PDE7B: variants seen among roughly 807,000 people sequenced by gnomAD.
The protein encoded by PDE7B is phosphodiesterase 7B, also known as 3',5'-cyclic-AMP phosphodiesterase 7B.
PDE7B carries 29 observed loss-of-function variants against 56.2 expected under a neutral mutation model. The ratio of observed to expected loss-of-function variants is 0.52; its 90% CI spans 0.38 to 0.70. The LOEUF (loss-of-function observed/expected upper bound fraction) is 0.70, where lower values mean the gene tolerates loss of function less well. PDE7B is among the 30% of genes least tolerant of loss of function. The pLI is 0.00. For missense variants in PDE7B, 490 were observed against 565.0 expected (o/e 0.87, Z 1.35); for synonymous variants, 197 against 196.9 (o/e 1.00, Z 0.00).
intron 2 of PDE7B, among the ~76,000 whole-genome samples, chr6:135,990,254 C>T (rs1375472019): frequency 3.9e-5 from 6 of 152,068 alleles, no homozygotes; most frequent in African/African-American, 1.2e-4. Context: ...CGCCACCACA[C>T]CCAGCTAATT....
intron 2 of PDE7B, among the ~76,000 whole-genome samples, chr6:136,025,306 T>C (rs1373277343): frequency 6.6e-6 from 1 of 152,192 alleles, no homozygotes; most frequent in African/African-American, 2.4e-5. Flanking sequence ...ATACCAAATT[T>C]CCATGTAAAA....
intron 1 of PDE7B, among the ~76,000 whole-genome samples, chr6:135,897,145 T>G (rs571249879): frequency 6.6e-6 from 1 of 152,266 alleles, no homozygotes; most frequent in African/African-American, 2.4e-5. Context: ...GAAACCTGTC[T>G]TTGTTAACTT....
At chr6:136,103,574 T>C (rs887185468) in intron 2 of PDE7B, among the ~76,000 whole-genome samples, 5 of 152,206 alleles carry the variant, frequency 3.3e-5, no homozygotes, top group African/African-American at 9.6e-5. Flanking sequence ...GAATTAGTAA[T>C]GTGCTCAGCA....
At chr6:136,143,557 A>G (rs1778364248) in intron 3 of PDE7B, among the ~76,000 whole-genome samples, 2 of 152,052 alleles carry the variant, frequency 1.3e-5, no homozygotes, top group South Asian at 2.1e-4. Context: ...TAAAGATCCA[A>G]AGAGGTCTGC....
chr6:135,962,796 T>C lies in PDE7B; in HGVS notation c.82+15272T>C, dbSNP rs770777667. On this transcript the variant is annotated intron_variant, in intron 2 of 12. Coordinates refer to ENST00000308191, the MANE Select transcript of PDE7B (RefSeq NM_018945.4). ...ATTAAACCTCTCTCACAAAGTCACC[T>C]GACCCCAAACAAATGGAATTCCTGA... 1.2e-4 allele frequency among the ~76,000 whole-genome samples: 18 copies of C among 152,168 alleles called. 1 individual carries two copies. Among genetic ancestry groups the C allele is most frequent in the Non-Finnish European group, 2.5e-4 (17 of 68,030 alleles).
intron 2 of PDE7B, among the ~76,000 whole-genome samples, chr6:136,073,398 A>T (rs1392716977): frequency 6.6e-6 from 1 of 152,222 alleles, no homozygotes; most frequent in Non-Finnish European, 1.5e-5. Flanking sequence ...GGCTGTCATA[A>T]CACAGCACCA....
At chr6:136,110,096 T>C (rs1777717056) in intron 3 of PDE7B, among the ~76,000 whole-genome samples, 1 of 152,140 alleles carries the variant, frequency 6.6e-6, no homozygotes, top group African/African-American at 2.4e-5. Flanking sequence ...TAATCTCCCA[T>C]ATCAATGTGC....
At chr6:136,105,655 T>C (rs1377790686) in intron 2 of PDE7B, among the ~76,000 whole-genome samples, 1 of 152,220 alleles carries the variant, frequency 6.6e-6, no homozygotes, top group Non-Finnish European at 1.5e-5. Context: ...ATTGCTATGA[T>C]TTATGCAATT....
At chr6:136,128,244 G>C (rs183955335) in intron 3 of PDE7B, among the ~76,000 whole-genome samples, 1 of 152,142 alleles carries the variant, frequency 6.6e-6, no homozygotes, top group Non-Finnish European at 1.5e-5. Context: ...GTGATGCTTT[G>C]ACATCATTCC....
chr6:136,090,085 A>G (rs1005248298), intron 2 of PDE7B, among the ~76,000 whole-genome samples: 2 of 152,182 alleles, frequency 1.3e-5, no homozygotes, highest in African/African-American at 4.8e-5. Flanking sequence ...CAGTAACTCA[A>G]AAAGTGCTGT....
chr6:135,858,777 A>G (rs1233134479), intron 1 of PDE7B, among the ~76,000 whole-genome samples: 1 of 152,146 alleles, frequency 6.6e-6, no homozygotes, highest in East Asian at 1.9e-4. Flanking sequence ...TTTACCATAC[A>G]TATTTTACTG....
chr6:136,116,303 A>G (rs1048502248), intron 3 of PDE7B, among the ~76,000 whole-genome samples: 1 of 152,262 alleles, frequency 6.6e-6, no homozygotes, highest in Non-Finnish European at 1.5e-5. Flanking sequence ...TTCATTAACT[A>G]GAGAGAAAGG....
At chr6:135,867,208 T>C (rs1775277820) in intron 1 of PDE7B, among the ~76,000 whole-genome samples, 1 of 152,206 alleles carries the variant, frequency 6.6e-6, no homozygotes, top group Non-Finnish European at 1.5e-5. Context: ...CTGTGTTTGC[T>C]ATAACTTTTT....
At chr6:136,055,213 A>G (rs572689873) in intron 2 of PDE7B, among the ~76,000 whole-genome samples, 1 of 152,360 alleles carries the variant, frequency 6.6e-6, no homozygotes, top group South Asian at 2.1e-4. Context: ...AAAGGTTATA[A>G]TGGTAGATAT....
chr6:136,139,129 G>C (rs1044736627), intron 3 of PDE7B, among the ~76,000 whole-genome samples: 2 of 151,776 alleles, frequency 1.3e-5, no homozygotes, highest in African/African-American at 2.4e-5. Flanking sequence ...TTCCCCCGAC[G>C]CCACAACAGG....
intron 2 of PDE7B, among the ~76,000 whole-genome samples, chr6:135,979,485 C>T (rs1186693983): frequency 2.0e-5 from 3 of 151,406 alleles, no homozygotes; most frequent in Non-Finnish European, 4.4e-5. Flanking sequence ...TGGTAGAATT[C>T]GGCTGTGAAT....
chr6:135,975,042 A>G (rs1775159129), intron 2 of PDE7B, among the ~76,000 whole-genome samples: 1 of 151,924 alleles, frequency 6.6e-6, no homozygotes, highest in Admixed American at 6.6e-5. Flanking sequence ...AGGCCCCTGG[A>G]GAGTATGTGC....
chr6:136,074,847 C>T (rs1451019703), intron 2 of PDE7B, among the ~76,000 whole-genome samples: 3 of 152,176 alleles, frequency 2.0e-5, no homozygotes, highest in Non-Finnish European at 4.4e-5. Context: ...TCTTAAGTTG[C>T]TTCCGTATCT....
chr6:136,188,264 A>T (rs1016329907), intron 12 of PDE7B, among the ~76,000 whole-genome samples: 2 of 148,656 alleles, frequency 1.3e-5, no homozygotes, highest in Non-Finnish European at 3.0e-5. Flanking sequence ...ATTATTGAGC[A>T]TTTTTTTTTT....
Sources: allele counts gnomAD v4.1 joint callset (sites outside exome capture counted in the v4.1 genomes callset), GRCh38; gene constraint gnomAD v4.1.1; transcripts MANE v1.5; gene names NCBI Gene and HGNC (gene_info 2026-07-23, HGNC 2026-07-21).